LRP1B: variants seen among roughly 807,000 people sequenced by gnomAD.
The protein encoded by LRP1B is LDL receptor related protein 1B, also known as low-density lipoprotein receptor-related protein 1B.
Under a neutral mutation model 556.6 loss-of-function variants are expected in LRP1B, and 217 were observed. The observed-to-expected ratio is 0.39, with a 90% CI of 0.35 to 0.44. The LOEUF (loss-of-function observed/expected upper bound fraction) is 0.44. Among genes scored for constraint, LRP1B ranks in the 20% least tolerant of loss-of-function variants. LRP1B has a pLI of 1.00. For synonymous variants in LRP1B, 2,047 were observed against 1,865.8 expected (o/e 1.10, Z -2.50); for missense variants, 5,053 against 5,620.8 (o/e 0.90, Z 3.23).
chr2:140,593,033 AT>A (rs1400627106), intron 43 of LRP1B, among the ~76,000 whole-genome samples: 1 of 152,072 alleles, frequency 6.6e-6, no homozygotes, highest in African/African-American at 2.4e-5. Context: ...TTACTTTCTG[AT>A]TGTTCTTAGA....
chr2:140,801,518 C>G (rs912588395), intron 32 of LRP1B, among the ~76,000 whole-genome samples: 3 of 151,726 alleles, frequency 2.0e-5, no homozygotes, highest in African/African-American at 7.3e-5. Flanking sequence ...TAAAACAGTA[C>G]TTGACTTGAG....
At chr2:140,402,593 C>A (rs1368103691) in intron 66 of LRP1B, among the ~76,000 whole-genome samples, 1 of 152,148 alleles carries the variant, frequency 6.6e-6, no homozygotes, top group Non-Finnish European at 1.5e-5. Context: ...AGCTGGAACA[C>A]TGGGACAGGA....
Position 140,702,265 on chromosome 2 carries a change from G to A in LRP1B, c.6178C>T (p.Arg2060Cys), listed in dbSNP as rs1225065296. Reference protein sequence around the residue: ...EENKLYWCDARTDKIERIDLE... With the variant: ...EENKLYWCDACTDKIERIDLE... The stretch of plus-strand genomic sequence containing the variant: ...TCGATTCTCTCTATCTTGTCTGTGC[G>A]AGCATCACACCAGTACAATTTATTT... Residue 2060 changes from arginine to cysteine, a missense_variant, in exon 39 of 91, where the codon CGC becomes TGC. Transcript: ENST00000389484. 3.7e-6 allele frequency: 6 copies of A among 1,613,430 alleles called. No homozygotes were observed. Among genetic ancestry groups the A allele is most frequent in the East Asian group, 2.2e-5 (1 of 44,878 alleles).
At chr2:140,678,172 C>T (rs998324490) in intron 41 of LRP1B, among the ~76,000 whole-genome samples, 2 of 152,008 alleles carry the variant, frequency 1.3e-5, no homozygotes, top group Non-Finnish European at 2.9e-5. Context: ...TACTGAATAC[C>T]TCTATTTTTT....
At chr2:140,661,742 C>T (rs933010433) in intron 41 of LRP1B, among the ~76,000 whole-genome samples, 1 of 152,158 alleles carries the variant, frequency 6.6e-6, no homozygotes, top group African/African-American at 2.4e-5. Context: ...TAATTGTCCT[C>T]TGGTAATTAC....
rs70994450 is a variant in LRP1B at position 141,752,945 on chromosome 2, G to GAAAAAA, written c.205+57328_205+57333dup. 9.2e-4 allele frequency among the ~76,000 whole-genome samples: 26 copies of GAAAAAA among 28,224 alleles called. 3 individuals carry two copies. Among genetic ancestry groups the GAAAAAA allele is most frequent in the Middle Eastern group, 0.083 (2 of 24 alleles). The allele number at this position is 28,224 out of a possible 152,430, so 18.5% of individuals were successfully genotyped here. On this transcript the variant is annotated intron_variant, in intron 2 of 90. Transcript: ENST00000389484. ...GGTGACAGACTGAGACCCTGTCTCAGAAAAAAAAAAAAAAAATTATGCTGG... is the reference window on the plus strand; with the variant it reads ...GGTGACAGACTGAGACCCTGTCTCAGAAAAAAAAAAAAAAAAAAAAAATTATGCTGG...
chr2:141,324,432 C>T (rs903969993), intron 3 of LRP1B, among the ~76,000 whole-genome samples: 9 of 152,096 alleles, frequency 5.9e-5, no homozygotes, highest in Admixed American at 3.9e-4. Flanking sequence ...ATTCCAGATT[C>T]TGATTTCCCA....
chr2:141,513,151 T>C (rs975180386), intron 2 of LRP1B, among the ~76,000 whole-genome samples: 2 of 152,162 alleles, frequency 1.3e-5, no homozygotes, highest in African/African-American at 4.8e-5. Flanking sequence ...AGAATGTTAA[T>C]ATCTCTAGAT....
At chr2:141,063,073 CA>C (rs1699385556) in intron 7 of LRP1B, among the ~76,000 whole-genome samples, 1 of 151,734 alleles carries the variant, frequency 6.6e-6, no homozygotes, top group Non-Finnish European at 1.5e-5. Context: ...AAACACAAAT[CA>C]ATTTTAATTA....
intron 1 of LRP1B, among the ~76,000 whole-genome samples, chr2:142,067,142 C>A (rs1368356015): frequency 6.6e-6 from 1 of 151,480 alleles, no homozygotes; most frequent in Non-Finnish European, 1.5e-5. Context: ...CTACCTTTCA[C>A]TTACACTTTA....
At chr2:141,055,375 G>A (rs1699150701) in intron 9 of LRP1B, 116 bp from the exon 10 acceptor site, 2 of 996,576 alleles carry the variant, frequency 2.0e-6, no homozygotes, top group Admixed American at 2.7e-5. Flanking sequence ...GCAAAATTTT[G>A]TATACTCAAC....
chr2:140,975,396 C>T (rs1363164903), intron 18 of LRP1B, among the ~76,000 whole-genome samples: 6 of 152,138 alleles, frequency 3.9e-5, no homozygotes, highest in Admixed American at 3.9e-4. Flanking sequence ...GTGAAATTTA[C>T]AGCAGCAGAA....
chr2:141,539,941 G>T (rs1483416162), intron 2 of LRP1B, among the ~76,000 whole-genome samples: 2 of 152,044 alleles, frequency 1.3e-5, no homozygotes, highest in East Asian at 1.9e-4. Context: ...AGGCAAATGC[G>T]TTATTGAAAT....
intron 7 of LRP1B, among the ~76,000 whole-genome samples, chr2:141,186,834 C>T (rs1182349217): frequency 6.6e-6 from 1 of 151,942 alleles, no homozygotes; most frequent in Non-Finnish European, 1.5e-5. Context: ...AGATGGTGTT[C>T]CCATATATTT....
intron 81 of LRP1B, 35 bp from the exon 82 acceptor site, chr2:140,322,123 A>C (rs750236176): frequency 1.3e-6 from 2 of 1,592,500 alleles, no homozygotes; most frequent in African/African-American, 2.7e-5. Context: ...AAGTGTGTAA[A>C]TATAGATACA....
intron 80 of LRP1B, among the ~76,000 whole-genome samples, chr2:140,325,427 A>G (rs1207070710): frequency 6.6e-6 from 1 of 152,116 alleles, no homozygotes; most frequent in Non-Finnish European, 1.5e-5. Context: ...TTGCAATTGA[A>G]ATAAAAGTTA....
At chr2:141,336,211 C>T (rs1256928867) in intron 3 of LRP1B, among the ~76,000 whole-genome samples, 1 of 151,400 alleles carries the variant, frequency 6.6e-6, no homozygotes, top group Non-Finnish European at 1.5e-5. Flanking sequence ...ACTTCCTTGG[C>T]TCCTGGCTTC....
intron 3 of LRP1B, among the ~76,000 whole-genome samples, chr2:141,256,946 A>G (rs1008889185): frequency 7.2e-5 from 11 of 152,132 alleles, no homozygotes; most frequent in East Asian, 3.9e-4. Flanking sequence ...GAACCTCTTC[A>G]TGTGAAAATC....
intron 66 of LRP1B, among the ~76,000 whole-genome samples, chr2:140,421,159 G>A (rs1223623090): frequency 6.6e-6 from 1 of 152,082 alleles, no homozygotes; most frequent in Non-Finnish European, 1.5e-5. Context: ...GGAGGCTGAG[G>A]CAGGAGAGTC....
Sources: gnomAD v4.1 joint callset for allele counts (sites outside exome capture counted in the v4.1 genomes callset) on GRCh38, gnomAD v4.1.1 for gene constraint, MANE v1.5 for transcripts, NCBI Gene and HGNC (gene_info 2026-07-23, HGNC 2026-07-21) for gene names.